Variants in PCDH8 observed in about 807,000 individuals in gnomAD.
The protein encoded by PCDH8 is protocadherin-8.
Under a neutral mutation model 58.2 loss-of-function variants are expected in PCDH8, and 36 were observed. That is an observed-to-expected ratio of 0.62 (90% confidence interval 0.47 to 0.82). The LOEUF (loss-of-function observed/expected upper bound fraction) is 0.82, where lower values mean the gene tolerates loss of function less well. PCDH8 is among the 40% of genes least tolerant of loss of function. The probability of loss-of-function intolerance (pLI) is 0.00; values close to 1 mark genes in which losing one functional copy is unlikely to be tolerated. For missense variants in PCDH8, 1,493 were observed against 1,567.8 expected (o/e 0.95, Z 0.81); for synonymous variants, 775 against 728.9 (o/e 1.06, Z -1.02).
chr13:52,848,036 C>G lies in PCDH8; in HGVS notation c.401G>C (p.Arg134Pro). 6.2e-7 allele frequency: 1 copy of G among 1,611,422 alleles called. No individual in the cohort carries two copies. Among genetic ancestry groups the G allele is most frequent in the Non-Finnish European group, 8.5e-7 (1 of 1,178,642 alleles). Reference protein sequence around the residue: ...EVRDVNDHAPRFPRAQIPVEV... With the variant: ...EVRDVNDHAPPFPRAQIPVEV... Reference sequence around the variant, plus strand: ...TACCGGGATCTGGGCCCTGGGGAAGCGCGGCGCGTGGTCGTTGACGTCCCT... The same window carrying G: ...TACCGGGATCTGGGCCCTGGGGAAGGGCGGCGCGTGGTCGTTGACGTCCCT... The change falls in exon 1 of 3, where the codon CGC (arginine) becomes CCC (proline). Residue 134 changes from arginine (R) to proline (P), a missense_variant. Around this residue, in one of 3 missense-constraint regions of PCDH8, gnomAD observed 1,307 missense variants for 1,362.7 expected, o/e 0.96. Coordinates refer to ENST00000377942, the MANE Select transcript of PCDH8 (RefSeq NM_002590.4).
Position 52,847,735 on chromosome 13 carries a change from G to T in PCDH8, c.702C>A (p.Arg234=), listed in dbSNP as rs749004729. 1.1e-5 allele frequency: 17 copies of T among 1,503,652 alleles called. No individual in the cohort carries two copies. Among genetic ancestry groups the T allele is most frequent in the African/African-American group, 1.4e-5 (1 of 69,732 alleles). 93.1% of individuals were successfully genotyped at this position (1,503,652 alleles called of 1,614,324 possible). ...GGCTGTGGTCATTCGCATCCAGGAC[G>T]CGCACGCTGAGGGCAGCCGTGGCGG... ...PRSATAALSV[R]VLDANDHSPA... is the part of the protein sequence containing the mutation. Residue 234 remains arginine (R), a synonymous_variant, in exon 1 of 3, where the codon CGC becomes CGA. Coordinates refer to ENST00000377942, the MANE Select transcript of PCDH8 (RefSeq NM_002590.4).
Position 52,843,408 on chromosome 13 carries a change from T to C in PCDH8, c.*1152A>G, listed in dbSNP as rs1266173257. On this transcript the variant is annotated 3_prime_UTR_variant, in exon 3 of 3. Transcript: ENST00000377942. ...GCGAATCCCAAACATCATGTCATTT[T>C]GCCCATAAATTTGAGTGGAATAGAG... The C allele has an allele frequency of 6.6e-6, 1 of 152,254 alleles. No individual in the cohort carries two copies. The highest frequency in any genetic ancestry group is 6.5e-5 in the Admixed American group (1 of 15,282). 9.4% of individuals were successfully genotyped at this position (152,254 alleles called of 1,614,324 possible).
Position 52,845,902 on chromosome 13 carries a change from G to C in PCDH8, c.2535C>G (p.Ala845=), listed in dbSNP as rs563281878. ...PAADAPPPAV[A]AAEVPGSEGG... Reference sequence around the variant, plus strand: ...CCTCTGAGCCCGGCACTTCGGCCGCGGCGACCGCAGGCGGAGGCGCGTCCG... The same window carrying C: ...CCTCTGAGCCCGGCACTTCGGCCGCCGCGACCGCAGGCGGAGGCGCGTCCG... The change falls in exon 1 of 3, where the codon GCC becomes GCG. Residue 845 remains alanine (A), a synonymous_variant. Transcript: ENST00000377942. 6.8e-7 allele frequency: 1 copy of C among 1,477,442 alleles called. No individual in the cohort carries two copies. Among genetic ancestry groups the C allele is most frequent in the South Asian group, 1.3e-5 (1 of 76,044 alleles). The allele number at this position is 1,477,442 out of a possible 1,614,324, so 91.5% of individuals were successfully genotyped here.
Position 52,846,158 on chromosome 13 carries a change from C to T in PCDH8, c.2279G>A (p.Cys760Tyr). 6.3e-7 allele frequency: 1 copy of T among 1,585,766 alleles called. No individual in the cohort carries two copies. Residue 760 changes from cysteine to tyrosine, a missense_variant, in exon 1 of 3, where the codon TGC becomes TAC. Cys to Tyr is a radical substitution (Grantham distance 194, BLOSUM62 -2). Coordinates refer to ENST00000377942, the MANE Select transcript of PCDH8 (RefSeq NM_002590.4). ...LIVIIVLAGS[C>Y]TLLLAAIIAI... ...GATGATGGCGGCCAGCAGCAGCGTG[C>T]AGCTCCCGGCCAGCACGATGATGAC... is the stretch of plus-strand genomic sequence containing the variant.
In PCDH8 at chr13:52,844,004, C is replaced by T. The variant is rs751677350; in HGVS notation, c.*556G>A. The T allele has an allele frequency of 2.0e-5, 3 of 152,616 alleles. No individual in the cohort carries two copies. The highest frequency in any genetic ancestry group is 7.2e-5 in the African/African-American group (3 of 41,454). The allele number at this position is 152,616 out of a possible 1,614,324, so 9.5% of individuals were successfully genotyped here. A position where few individuals can be genotyped will look rare whatever the true frequency, so the allele number is the denominator to read the frequency against. On this transcript the variant is annotated 3_prime_UTR_variant, in exon 3 of 3. Transcript: ENST00000377942. ...CAAACACATGACAAATCTTTTATTA[C>T]TGTGCTTATAAGTGACACGGTTTAC...
chr13:52,847,389 T>C lies in PCDH8; in HGVS notation c.1048A>G (p.Asn350Asp). Reference protein sequence around the residue: ...VIVRIRDVNDNAPDIAITPLA... With the variant: ...VIVRIRDVNDDAPDIAITPLA... ...GGGGTGATGGCGATGTCGGGTGCGT[T>C]GTCATTGACGTCTCGGATGCGCACG... The change falls in exon 1 of 3, where the codon AAC becomes GAC. Residue 350 changes from asparagine to aspartate, a missense_variant. Coordinates refer to ENST00000377942, the MANE Select transcript of PCDH8 (RefSeq NM_002590.4). 1.3e-6 allele frequency: 2 copies of C among 1,545,470 alleles called. No homozygotes were observed. Among genetic ancestry groups the C allele is most frequent in the Non-Finnish European group, 1.7e-6 (2 of 1,153,064 alleles).
chr13:52,845,721 G>A (rs1965718649), intron 1 of PCDH8, 85 bp downstream of exon 1: 1 of 1,529,810 alleles, frequency 6.5e-7, no homozygotes, highest in Non-Finnish European at 8.8e-7. Context: ...CTACCTGAAT[G>A]CACCCACCCT....
rs367908389 is a variant in PCDH8 at position 52,844,932 on chromosome 13, T to C, written c.2841A>G (p.Gly947=). ...TACACTCAGCGGTGCACGCCCACAGTCCTAATACGAAAGGGAAAAGGAAAC... is the reference window on the plus strand; with the variant it reads ...TACACTCAGCGGTGCACGCCCACAGCCCTAATACGAAAGGGAAAAGGAAAC... ...KKDLINHMQS[G]LWACTAECKI... is the part of the protein sequence containing the mutation. The change falls in exon 3 of 3, where the codon GGA becomes GGG. Residue 947 remains glycine, a splice_region_variant and synonymous_variant. Transcript: ENST00000377942. The C allele has an allele frequency of 3.3e-6, 5 of 1,515,108 alleles. No individual in the cohort carries two copies. The African/African-American group carries it at 7.0e-5, about 21-fold the overall frequency. 93.9% of individuals were successfully genotyped at this position (1,515,108 alleles called of 1,614,324 possible).
Position 52,846,184 on chromosome 13 carries a change from G to T in PCDH8, c.2253C>A (p.Ile751=). 1.3e-6 allele frequency: 2 copies of T among 1,586,934 alleles called. No homozygotes were observed. The highest frequency in any genetic ancestry group is 1.7e-6 in the Non-Finnish European group (2 of 1,174,898). Residue 751 remains isoleucine, a synonymous_variant, in exon 1 of 3, where the codon ATC becomes ATA. Coordinates refer to ENST00000377942, the MANE Select transcript of PCDH8 (RefSeq NM_002590.4). ...GSVLQWDTPL[I]VIIVLAGSCT... ...AGCTCCCGGCCAGCACGATGATGACGATCAGCGGCGTGTCCCATTGCAGCA... is the reference window on the plus strand; with the variant it reads ...AGCTCCCGGCCAGCACGATGATGACTATCAGCGGCGTGTCCCATTGCAGCA...
chr13:52,845,869 G>T lies in PCDH8; in HGVS notation c.2568C>A (p.Ser856Arg). ...AGTGACAGGCGCTTTCCCCAGTGGC[G>T]CTGCCGCCCTCTGAGCCCGGCACTT... ...AAEVPGSEGG[S>R]ATGESACHFE... The change falls in exon 1 of 3, where the codon AGC (serine) becomes AGA (arginine). Residue 856 changes from serine to arginine, a missense_variant. Physicochemically the swap from Ser to Arg is moderately radical, Grantham distance 110. This residue lies in a region of PCDH8 where 1,307 missense variants were observed against 1,362.7 expected (regional missense o/e 0.96). Coordinates refer to ENST00000377942, the MANE Select transcript of PCDH8 (RefSeq NM_002590.4). 1 of 1,508,818 alleles carries T rather than the reference G, an allele frequency of 6.6e-7. No homozygotes were observed. The highest frequency in any genetic ancestry group is 8.8e-7 in the Non-Finnish European group (1 of 1,137,262). 93.5% of individuals were successfully genotyped at this position (1,508,818 alleles called of 1,614,324 possible).
rs766893845 is a variant in PCDH8 at position 52,846,056 on chromosome 13, G to A, written c.2381C>T (p.Ala794Val). The change falls in exon 1 of 3, where the codon GCG (alanine) becomes GTG (valine). Residue 794 changes from alanine to valine, a missense_variant. By Grantham distance (64) the Ala-to-Val change is moderately conservative. Coordinates refer to ENST00000377942, the MANE Select transcript of PCDH8 (RefSeq NM_002590.4). The stretch of plus-strand genomic sequence containing the variant: ...GGGAGCCGAGGCTCCGCCGCCCGCC[G>A]CCCCGGGCCGCTCTTCCCGGAGGGC... ...GGALREERPG[A>V]AGGGASAPGS... 4.6e-6 allele frequency: 7 copies of A among 1,519,882 alleles called. No homozygotes were observed. Among genetic ancestry groups the A allele is most frequent in the South Asian group, 2.5e-5 (2 of 79,332 alleles). The allele number at this position is 1,519,882 out of a possible 1,614,324, so 94.1% of individuals were successfully genotyped here. A position where few individuals can be genotyped will look rare whatever the true frequency, so the allele number is the denominator to read the frequency against.
At position 52,846,676 on chromosome 13, in the gene PCDH8, AG is replaced by A; in HGVS notation, c.1760del (p.Pro587LeufsTer8). ...GCACTAGGGCGCTGCTGGAAAGCTG[AG>A]GGGAGCCGCCGTCGCTAGCTTGGAT... is the stretch of plus-strand genomic sequence containing the variant. ...VRIQASDGGS[P>X]QLSSSALVQV... On this transcript the variant is annotated frameshift_variant, in exon 1 of 3. Coordinates refer to ENST00000377942, the MANE Select transcript of PCDH8 (RefSeq NM_002590.4). LOFTEE classifies it high-confidence loss of function. 1 of 1,600,988 alleles carries A rather than the reference AG, an allele frequency of 6.2e-7. No homozygotes were observed.
Position 52,847,754 on chromosome 13 carries a change from G to C in PCDH8, c.683C>G (p.Thr228Arg). ...CAGGACGCGCACGCTGAGGGCAGCC[G>C]TGGCGGAGCGCGGCGGGCGGCCGCC... ...QDGGRPPRSA[T>R]AALSVRVLDA... Residue 228 changes from threonine (T) to arginine (R), a missense_variant, in exon 1 of 3, where the codon ACG becomes AGG. Physicochemically the swap from Thr to Arg is moderately conservative, Grantham distance 71. This residue lies in a region of PCDH8 where 1,307 missense variants were observed against 1,362.7 expected (regional missense o/e 0.96). Transcript: ENST00000377942. The C allele has an allele frequency of 5.4e-6, 8 of 1,472,356 alleles. No homozygotes were observed. The highest frequency in any genetic ancestry group is 7.1e-6 in the Non-Finnish European group (8 of 1,121,398). The allele number at this position is 1,472,356 out of a possible 1,614,324, so 91.2% of individuals were successfully genotyped here.
Position 52,846,221 on chromosome 13 carries a change from A to T in PCDH8, c.2216T>A (p.Val739Glu). Residue 739 changes from valine (V) to glutamate (E), a missense_variant, in exon 1 of 3, where the codon GTG (valine) becomes GAG (glutamate). By Grantham distance (121) the Val-to-Glu change is moderately radical (BLOSUM62 -2). This residue lies in a region of PCDH8 where 1,307 missense variants were observed against 1,362.7 expected (regional missense o/e 0.96). Transcript: ENST00000377942. Reference sequence around the variant, plus strand: ...GTCCCATTGCAGCACCGACCCGGACACCCCGAGCCGAGAGCCAGGCGGGCG... The same window carrying T: ...GTCCCATTGCAGCACCGACCCGGACTCCCCGAGCCGAGAGCCAGGCGGGCG... ...RSRPPGSRLG[V>E]SGSVLQWDTP... 1 of 1,571,022 alleles carries T rather than the reference A, an allele frequency of 6.4e-7. No homozygotes were observed. The highest frequency in any genetic ancestry group is 2.3e-5 in the East Asian group (1 of 42,876).
Position 52,846,682 on chromosome 13 carries a change from G to C in PCDH8, c.1755C>G (p.Gly585=). The change falls in exon 1 of 3, where the codon GGC becomes GGG. Residue 585 remains glycine (G), a synonymous_variant. Transcript: ENST00000377942. ...GGGCGCTGCTGGAAAGCTGAGGGGA[G>C]CCGCCGTCGCTAGCTTGGATGCGAA... The part of the protein sequence containing the change: ...LDVRIQASDG[G]SPQLSSSALV... 1 of 1,600,404 alleles carries C rather than the reference G, an allele frequency of 6.2e-7. No homozygotes were observed. Among genetic ancestry groups the C allele is most frequent in the Non-Finnish European group, 8.5e-7 (1 of 1,177,040 alleles).
Position 52,847,028 on chromosome 13 carries a change from T to A in PCDH8, c.1409A>T (p.Glu470Val). Residue 470 changes from glutamate (E) to valine (V), a missense_variant, in exon 1 of 3, where the codon GAG (glutamate) becomes GTG (valine). Glu to Val is a moderately radical substitution (Grantham distance 121, BLOSUM62 -2). Around this residue, in one of 3 missense-constraint regions of PCDH8, gnomAD observed 1,307 missense variants for 1,362.7 expected, o/e 0.96. Transcript: ENST00000377942. ...GCGCAGCGGGGGCGCGCCGCGATCC[T>A]CGGCCACCAGCGTCAAGTTGTACTC... is the stretch of plus-strand genomic sequence containing the variant. ...IAEYNLTLVA[E>V]DRGAPPLRTV... 6.4e-7 allele frequency: 1 copy of A among 1,566,046 alleles called. No individual in the cohort carries two copies. The highest frequency in any genetic ancestry group is 8.6e-7 in the Non-Finnish European group (1 of 1,158,318).
Position 52,847,486 on chromosome 13 carries a change from C to T in PCDH8, c.951G>A (p.Gln317=), listed in dbSNP as rs747193202. The T allele has an allele frequency of 6.3e-7, 1 of 1,592,094 alleles. No homozygotes were observed. The highest frequency in any genetic ancestry group is 1.7e-5 in the Admixed American group (1 of 59,058). Reference sequence around the variant, plus strand: ...CCCGCACGTCCAGCTCGTAGGTGTCCTGACGCTCGTAGTCCACGGGCCCGG... The same window carrying T: ...CCCGCACGTCCAGCTCGTAGGTGTCTTGACGCTCGTAGTCCACGGGCCCGG... The part of the protein sequence containing the change: ...TLAGPVDYER[Q]DTYELDVRAQ... The change falls in exon 1 of 3, where the codon CAG becomes CAA. Residue 317 remains glutamine (Q), a synonymous_variant. Coordinates refer to ENST00000377942, the MANE Select transcript of PCDH8 (RefSeq NM_002590.4).
rs1179506310 is a variant in PCDH8 at position 52,844,411 on chromosome 13, C to A, written c.*149G>T. The A allele has an allele frequency of 5.4e-6, 3 of 556,052 alleles. No homozygotes were observed. The highest frequency in any genetic ancestry group is 5.9e-6 in the Non-Finnish European group (2 of 338,190). The allele number at this position is 556,052 out of a possible 1,614,324, so 34.4% of individuals were successfully genotyped here. A position where few individuals can be genotyped will look rare whatever the true frequency, so the allele number is the denominator to read the frequency against. On this transcript the variant is annotated 3_prime_UTR_variant, in exon 3 of 3. Coordinates refer to ENST00000377942, the MANE Select transcript of PCDH8 (RefSeq NM_002590.4). The stretch of plus-strand genomic sequence containing the variant: ...TAACTACATTTTTGTTTGCAAATAC[C>A]AAACAGTACCAATGTGATTGGAAAT...
In PCDH8 at chr13:52,848,323, C is replaced by T. The variant is rs200215967; in HGVS notation, c.114G>A (p.Glu38=). Residue 38 remains glutamate, a synonymous_variant, in exon 1 of 3, where the codon GAG becomes GAA. Coordinates refer to ENST00000377942, the MANE Select transcript of PCDH8 (RefSeq NM_002590.4). ...CGATGACCGTGCCGGGGGCATCCTC[C>T]TCGAAGGTGCTGTATCGGACTGTTT... ...QSKTVRYSTF[E]EDAPGTVIGT... 17 of 1,613,392 alleles carry T rather than the reference C, an allele frequency of 1.1e-5. No homozygotes were observed. Among genetic ancestry groups the T allele is most frequent in the Admixed American group, 1.7e-5 (1 of 60,034 alleles).
Sources: gnomAD v4.1 joint callset for allele counts on GRCh38, gnomAD v4.1.1 for gene constraint, gnomAD v4.1.1 regional missense constraint, MANE v1.5 for transcripts, NCBI Gene and HGNC (gene_info 2026-07-23, HGNC 2026-07-21) for gene names.